Variants in SCGB2B2 observed in about 807,000 individuals in gnomAD.
SCGB2B2 encodes the protein secretoglobin-like protein.
A neutral mutation model predicts 7.6 loss-of-function variants in SCGB2B2; 11 were observed. The observed-to-expected ratio is 1.45, with a 90% CI of 0.91 to 2.40. SCGB2B2 has a LOEUF of 2.40. Ranked by LOEUF, SCGB2B2 falls within the 30% of genes most tolerant of loss-of-function variation. The probability of loss-of-function intolerance (pLI) is 0.00; values close to 1 mark genes in which losing one functional copy is unlikely to be tolerated. For missense variants in SCGB2B2, 104 were observed against 115.4 expected, an observed-to-expected ratio of 0.90 and a Z score of 0.45; for synonymous variants, 50 against 48.6, an observed-to-expected ratio of 1.03 and a Z score of -0.12.
chr19:34,675,404 A>C (rs1190132982), intron 1 of SCGB2B2, among the ~76,000 whole-genome samples: 1 of 152,198 alleles, frequency 6.6e-6, no homozygotes, highest in South Asian at 2.1e-4. Flanking sequence ...ACACCAAGGT[A>C]GAACTGTCAG....
In SCGB2B2 at chr19:34,626,662, G is replaced by C. The variant is rs1021064470; in HGVS notation, c.-2031-30068C>G. 5.9e-5 allele frequency among the ~76,000 whole-genome samples: 9 copies of C among 152,170 alleles called. No homozygotes were observed. In the East Asian group the frequency reaches 1.7e-3, roughly 29 times the overall value. On this transcript the variant is annotated intron_variant, in intron 1 of 3. Transcript: ENST00000601241. ...GTACCTGAAAGTGATGGGGAGAATGGAACCAAGTTGGAAAACAATCTGCAG... is the reference window on the plus strand; with the variant it reads ...GTACCTGAAAGTGATGGGGAGAATGCAACCAAGTTGGAAAACAATCTGCAG...
intron 1 of SCGB2B2, among the ~76,000 whole-genome samples, chr19:34,623,768 G>C (rs2066298713): frequency 6.6e-6 from 1 of 152,144 alleles, no homozygotes; most frequent in African/African-American, 2.4e-5. Context: ...ATTTCCCAGA[G>C]AATGGGACCA....
intron 1 of SCGB2B2, among the ~76,000 whole-genome samples, chr19:34,609,382 TA>T (rs1266382791): frequency 6.6e-6 from 1 of 152,100 alleles, no homozygotes; most frequent in Admixed American, 6.5e-5. Context: ...GTTTTCTCTA[TA>T]AAATCTTTGC....
At chr19:34,662,175 G>A (rs924133640) in intron 1 of SCGB2B2, among the ~76,000 whole-genome samples, 12 of 152,066 alleles carry the variant, frequency 7.9e-5, no homozygotes, top group South Asian at 4.1e-4. Flanking sequence ...CCACCGCGCC[G>A]GGCCATGTTA....
At chr19:34,656,454 T>C (rs1434654468) in intron 1 of SCGB2B2, among the ~76,000 whole-genome samples, 1 of 150,928 alleles carries the variant, frequency 6.6e-6, no homozygotes, top group Non-Finnish European at 1.5e-5. Context: ...ATTACAAAAA[T>C]TAGCCAGATG....
In SCGB2B2 at chr19:34,596,957, AG is replaced by A. The variant is rs755371891; in HGVS notation, c.-2031-364del. 7.3e-5 allele frequency among the ~76,000 whole-genome samples: 11 copies of A among 151,718 alleles called. No individual in the cohort carries two copies. In the South Asian group the frequency reaches 1.0e-3, roughly 14 times the overall value. The stretch of plus-strand genomic sequence containing the variant: ...GCCAGCTGGAGGGGTCTCTAGAGGG[AG>A]GGGGGTCCTCTGAGGGTAGAGAGGG... On this transcript the variant is annotated intron_variant, in intron 1 of 3. Coordinates refer to ENST00000601241, the MANE Select transcript of SCGB2B2 (RefSeq NM_001025591.4).
chr19:34,633,896 G>A (rs1439586970), intron 1 of SCGB2B2, among the ~76,000 whole-genome samples: 1 of 152,144 alleles, frequency 6.6e-6, no homozygotes, highest in Non-Finnish European at 1.5e-5. Context: ...TTCTTTGGAA[G>A]GGACAGCCCT....
intron 1 of SCGB2B2, chr19:34,640,821 T>C (rs1177934728): frequency 6.6e-6 from 1 of 152,174 alleles, no homozygotes; most frequent in African/African-American, 2.4e-5. Context: ...GCTAATGACA[T>C]AAACTGATAC....
intron 1 of SCGB2B2, among the ~76,000 whole-genome samples, chr19:34,622,506 G>C (rs1174401481): frequency 6.6e-6 from 1 of 152,152 alleles, no homozygotes; most frequent in East Asian, 1.9e-4. Context: ...AGGGCAAAGA[G>C]GAAATGGGCT....
intron 1 of SCGB2B2, chr19:34,637,816 G>C (rs1334927036): frequency 2.6e-5 from 4 of 152,176 alleles, no homozygotes; most frequent in Non-Finnish European, 4.4e-5. Context: ...TACACCACCC[G>C]ATGGGCTATT....
chr19:34,623,655 A>C (rs534954999), intron 1 of SCGB2B2, among the ~76,000 whole-genome samples: 1 of 152,308 alleles, frequency 6.6e-6, no homozygotes, highest in African/African-American at 2.4e-5. Context: ...CCAGGGGCCC[A>C]GGAGGGATTG....
At chr19:34,661,792 T>A (rs1250550013) in intron 1 of SCGB2B2, among the ~76,000 whole-genome samples, 1 of 152,112 alleles carries the variant, frequency 6.6e-6, no homozygotes, top group Non-Finnish European at 1.5e-5. Context: ...CAACACAAAT[T>A]TGTAAACTTT....
chr19:34,634,960 G>A (rs952158591), intron 1 of SCGB2B2: 2 of 281,190 alleles, frequency 7.1e-6, no homozygotes, highest in Admixed American at 3.8e-5. Flanking sequence ...TCTCTGATGT[G>A]CAGTAAGGCC....
At chr19:34,589,799 G>C (rs11671487), downstream of SCGB2B2, among the ~76,000 whole-genome samples, 69,019 of 151,872 alleles carry the variant, frequency 0.45, 15,988 homozygotes, top group Middle Eastern at 0.54. Context: ...GGCCTCCAAT[G>C]ACCTGCACAG....
intron 1 of SCGB2B2, among the ~76,000 whole-genome samples, chr19:34,643,953 T>C (rs1270675994): frequency 6.6e-6 from 1 of 151,904 alleles, no homozygotes; most frequent in African/African-American, 2.4e-5. Flanking sequence ...GAAAAAAGGC[T>C]GTACAAGAAG....
chr19:34,598,103 G>A (rs983882329), intron 1 of SCGB2B2, among the ~76,000 whole-genome samples: 5 of 152,300 alleles, frequency 3.3e-5, no homozygotes, highest in African/African-American at 7.2e-5. Context: ...GGAAGTGGAG[G>A]CAGCAAGAAT....
intron 1 of SCGB2B2, among the ~76,000 whole-genome samples, chr19:34,600,791 A>G (rs568338956): frequency 9.5e-4 from 144 of 152,142 alleles, no homozygotes; most frequent in African/African-American, 3.3e-3. Flanking sequence ...TTGTTTGGTT[A>G]GTTGTTGAAA....
chr19:34,640,246 T>C (rs1415305071), intron 1 of SCGB2B2, among the ~76,000 whole-genome samples: 1 of 152,040 alleles, frequency 6.6e-6, no homozygotes, highest in African/African-American at 2.4e-5. Context: ...GGATCACAGG[T>C]GTGCACCAGA....
rs111312900 is a variant in SCGB2B2 at position 34,625,985 on chromosome 19, C to T, written c.-2031-29391G>A. Among the ~76,000 whole-genome samples, 1,266 of 152,288 alleles carry T rather than the reference C, an allele frequency of 8.3e-3. 18 individuals are homozygous for T. The highest frequency in any genetic ancestry group is 0.027 in the African/African-American group (1,133 of 41,542). ...CCCATATCCGCTGTTCTGCAGCCTC[C>T]GCTGCTGATACCCAGGCAAACAGGG... is the stretch of plus-strand genomic sequence containing the variant. On this transcript the variant is annotated intron_variant, in intron 1 of 3. Coordinates refer to ENST00000601241, the MANE Select transcript of SCGB2B2 (RefSeq NM_001025591.4).
Sources: gnomAD v4.1 joint callset for allele counts (sites outside exome capture counted in the v4.1 genomes callset) on GRCh38, gnomAD v4.1.1 for gene constraint, MANE v1.5 for transcripts, NCBI Gene and HGNC (gene_info 2026-07-23, HGNC 2026-07-21) for gene names.